Variants in FGGY observed in about 807,000 individuals in gnomAD.
The protein encoded by FGGY is FGGY carbohydrate kinase domain containing.
A neutral mutation model predicts 71.3 loss-of-function variants in FGGY; 72 were observed. The ratio of observed to expected loss-of-function variants is 1.01; its 90% CI spans 0.84 to 1.23. The LOEUF (loss-of-function observed/expected upper bound fraction) is 1.23. FGGY is among the 50% of genes most tolerant of loss of function. The probability of loss-of-function intolerance (pLI) is 0.00; values close to 1 mark genes in which losing one functional copy is unlikely to be tolerated. For missense variants in FGGY, 668 were observed against 682.3 expected (o/e 0.98, Z 0.23); for synonymous variants, 251 against 250.3 (o/e 1.00, Z -0.02).
At position 59,503,838 on chromosome 1, in the gene FGGY, G is replaced by T. The variant is rs536124042; in HGVS notation, c.671-8473G>T. 4.6e-5 allele frequency among the ~76,000 whole-genome samples: 7 copies of T among 151,636 alleles called. No individual in the cohort carries two copies. In the South Asian group the frequency reaches 1.5e-3, roughly 32 times the overall value. ...CCCATAGCCCTTATTATAACATTGGGGCACTTGAGGCCTCAGGCAACAGTC... is the reference window on the plus strand; with the variant it reads ...CCCATAGCCCTTATTATAACATTGGTGCACTTGAGGCCTCAGGCAACAGTC... On this transcript the variant is annotated intron_variant, in intron 6 of 15. Coordinates refer to ENST00000303721, the MANE Select transcript of FGGY (RefSeq NM_018291.5).
At chr1:59,361,102 C>T (rs1179478140) in intron 4 of FGGY, among the ~76,000 whole-genome samples, 1 of 152,180 alleles carries the variant, frequency 6.6e-6, no homozygotes, top group Non-Finnish European at 1.5e-5. Flanking sequence ...ACAAATTTCT[C>T]AGAATGATGG....
chr1:59,591,459 C>CA (rs1464038786), intron 8 of FGGY, among the ~76,000 whole-genome samples: 3 of 151,992 alleles, frequency 2.0e-5, no homozygotes, highest in East Asian at 3.9e-4. Context: ...CATATGGAAC[C>CA]AAAAAAGAGC....
At chr1:59,735,726 C>T (rs899540426) in intron 14 of FGGY, among the ~76,000 whole-genome samples, 2 of 152,234 alleles carry the variant, frequency 1.3e-5, no homozygotes, top group African/African-American at 4.8e-5. Context: ...AGGTCTCTGT[C>T]TCCAGAGTTT....
intron 8 of FGGY, among the ~76,000 whole-genome samples, chr1:59,576,300 C>G (rs1047053729): frequency 2.0e-5 from 3 of 151,982 alleles, no homozygotes; most frequent in African/African-American, 7.2e-5. Flanking sequence ...AACACAGGAA[C>G]AGAAAAACAA....
At chr1:59,355,390 C>T (rs1280718734) in intron 4 of FGGY, among the ~76,000 whole-genome samples, 1 of 152,146 alleles carries the variant, frequency 6.6e-6, no homozygotes, top group Admixed American at 6.5e-5. Context: ...GCCATATACA[C>T]ACAAGAAAAC....
intron 9 of FGGY, among the ~76,000 whole-genome samples, chr1:59,617,791 A>T (rs1390500793): frequency 6.6e-6 from 1 of 152,082 alleles, no homozygotes; most frequent in Non-Finnish European, 1.5e-5. Context: ...AGCCACTGCT[A>T]TGGTGGCATT....
intron 10 of FGGY, among the ~76,000 whole-genome samples, chr1:59,632,328 T>C (rs1558613869): frequency 1.3e-5 from 2 of 152,212 alleles, no homozygotes; most frequent in Non-Finnish European, 2.9e-5. Flanking sequence ...GCCCTTAATG[T>C]TGTCTTTGTT....
chr1:59,344,290 T>C (rs1165990153), intron 3 of FGGY, among the ~76,000 whole-genome samples: 2 of 151,064 alleles, frequency 1.3e-5, no homozygotes, highest in South Asian at 2.1e-4. Context: ...TCTTCTTACA[T>C]TGGCTTTTTT....
intron 11 of FGGY, among the ~76,000 whole-genome samples, chr1:59,642,042 A>G (rs908281710): frequency 6.6e-6 from 1 of 152,036 alleles, no homozygotes; most frequent in Non-Finnish European, 1.5e-5. Context: ...CCATTTGAAA[A>G]CTGCCAGCTC....
At chr1:59,576,111 G>A (rs2096071397) in intron 8 of FGGY, among the ~76,000 whole-genome samples, 1 of 152,090 alleles carries the variant, frequency 6.6e-6, no homozygotes, top group African/African-American at 2.4e-5. Context: ...TATGTTTATT[G>A]CAGCACTGTT....
At chr1:59,548,192 G>A (rs2095555550) in intron 7 of FGGY, among the ~76,000 whole-genome samples, 1 of 152,154 alleles carries the variant, frequency 6.6e-6, no homozygotes, top group Non-Finnish European at 1.5e-5. Flanking sequence ...TGGAGTTGGT[G>A]TTCCCCAGGA....
At chr1:59,321,902 G>T (rs2046458599) in intron 2 of FGGY, among the ~76,000 whole-genome samples, 152 bp downstream of exon 2, 1 of 152,166 alleles carries the variant, frequency 6.6e-6, no homozygotes, top group Non-Finnish European at 1.5e-5. Context: ...CAGTCTACTG[G>T]CAGAGACTGA....
At chr1:59,630,363 G>T (rs186454058) in intron 10 of FGGY, among the ~76,000 whole-genome samples, 2 of 152,216 alleles carry the variant, frequency 1.3e-5, no homozygotes, top group East Asian at 3.9e-4. Flanking sequence ...GGTTCAAGCA[G>T]CATACGTCAG....
intron 4 of FGGY, among the ~76,000 whole-genome samples, chr1:59,370,709 T>C (rs1357466587): frequency 3.3e-5 from 5 of 151,814 alleles, no homozygotes; most frequent in African/African-American, 7.3e-5. Context: ...GCGGATCTCT[T>C]GGCAGAAACT....
chr1:59,462,856 G>A (rs2092345541), intron 6 of FGGY, among the ~76,000 whole-genome samples: 1 of 151,744 alleles, frequency 6.6e-6, no homozygotes, highest in Admixed American at 6.6e-5. Context: ...TTACACTGTT[G>A]GTGGGACTGT....
rs186645757 is a variant in FGGY at position 59,654,075 on chromosome 1, T to C, written c.1222-6144T>C. 8.1e-4 allele frequency among the ~76,000 whole-genome samples: 123 copies of C among 152,306 alleles called. 1 individual carries two copies. The highest frequency in any genetic ancestry group is 2.8e-3 in the African/African-American group (118 of 41,566). ...TTAATTGAATAACCAGGGTACAGAA[T>C]ATTGAGGGGACATATTTAGGATTCT... On this transcript the variant is annotated intron_variant, in intron 11 of 15. Transcript: ENST00000303721.
At chr1:59,599,642 C>T (rs6676613) in intron 8 of FGGY, among the ~76,000 whole-genome samples, 3,706 of 140,734 alleles carry the variant, frequency 0.026, 161 homozygotes, top group African/African-American at 0.093. Context: ...TGCAGTGAGC[C>T]GAGATTTTGC....
chr1:59,672,740 G>T (rs2097393261), intron 13 of FGGY, among the ~76,000 whole-genome samples: 1 of 152,204 alleles, frequency 6.6e-6, no homozygotes, highest in African/African-American at 2.4e-5. Flanking sequence ...GATAGGAAAA[G>T]AAATCTAGGC....
intron 2 of FGGY, among the ~76,000 whole-genome samples, chr1:59,322,580 A>G (rs1247208646): frequency 6.6e-6 from 1 of 152,186 alleles, no homozygotes. Flanking sequence ...CATTTTGGGC[A>G]GAGGGAATAG....
Sources: gnomAD v4.1 joint callset for allele counts (sites outside exome capture counted in the v4.1 genomes callset) on GRCh38, gnomAD v4.1.1 for gene constraint, MANE v1.5 for transcripts, NCBI Gene and HGNC (gene_info 2026-07-23, HGNC 2026-07-21) for gene names.